Variants in EDIL3 observed in about 807,000 individuals in gnomAD.
EDIL3 encodes EGF-like repeat and discoidin I-like domain-containing protein 3.
In EDIL3, 37 loss-of-function variants were observed where a neutral mutation model predicts 67.4. The ratio of observed to expected loss-of-function variants is 0.55; its 90% CI spans 0.42 to 0.72. The LOEUF is 0.72. Ranked by LOEUF, EDIL3 falls within the 30% of genes least tolerant of loss-of-function variation. EDIL3 has a pLI of 0.00. For missense variants in EDIL3, 527 were observed against 586.3 expected, an observed-to-expected ratio of 0.90 and a Z score of 1.04; for synonymous variants, 195 against 196.3, an observed-to-expected ratio of 0.99 and a Z score of 0.05.
At chr5:84,215,250 T>C (rs901071976) in intron 3 of EDIL3, among the ~76,000 whole-genome samples, 2 of 152,016 alleles carry the variant, frequency 1.3e-5, no homozygotes, top group South Asian at 2.1e-4. Flanking sequence ...ATAAGTAAGA[T>C]GAGCAGATTT....
At chr5:84,042,605 C>G (rs1315370182) in intron 9 of EDIL3, among the ~76,000 whole-genome samples, 1 of 151,952 alleles carries the variant, frequency 6.6e-6, no homozygotes, top group Non-Finnish European at 1.5e-5. Context: ...TTAATTGAAC[C>G]TATTCTACTG....
intron 4 of EDIL3, among the ~76,000 whole-genome samples, chr5:84,156,045 G>C (rs180934031): frequency 1.3e-5 from 2 of 152,268 alleles, no homozygotes; most frequent in East Asian, 1.9e-4. Flanking sequence ...ATCCTCTAGA[G>C]GGGGAGCATA....
At chr5:84,257,876 T>C (rs572494163) in intron 1 of EDIL3, among the ~76,000 whole-genome samples, 3 of 152,212 alleles carry the variant, frequency 2.0e-5, no homozygotes, top group African/African-American at 7.2e-5. Flanking sequence ...TCCTTAGGCA[T>C]ACCAACAAAT....
intron 2 of EDIL3, among the ~76,000 whole-genome samples, chr5:84,239,613 TG>T (rs1428373153): frequency 6.6e-6 from 1 of 152,200 alleles, no homozygotes; most frequent in African/African-American, 2.4e-5. Context: ...TACTGGGAAC[TG>T]GTAATCTTAT....
intron 2 of EDIL3, among the ~76,000 whole-genome samples, chr5:84,239,575 G>T (rs1580392826): frequency 6.6e-6 from 1 of 152,228 alleles, no homozygotes; most frequent in African/African-American, 2.4e-5. Flanking sequence ...GGAACCTTCA[G>T]CTACATCTTA....
rs892446568 is a variant in EDIL3 at position 84,331,400 on chromosome 5, C to A, written c.67+52908G>T. Among the ~76,000 whole-genome samples, 9 of 152,230 alleles carry A rather than the reference C, an allele frequency of 5.9e-5. 1 individual carries two copies. Among genetic ancestry groups the A allele is most frequent in the Admixed American group, 5.9e-4 (9 of 15,290 alleles). On this transcript the variant is annotated intron_variant, in intron 1 of 10. Transcript: ENST00000296591. ...AATCCCCATATGTTGTGGGAGGGAC[C>A]TGGTGGGAGGTAATTGAATCATGGG...
intron 10 of EDIL3, 39 bp from the exon 11 acceptor site, chr5:83,943,607 T>A (rs1241384861): frequency 1.9e-6 from 3 of 1,595,498 alleles, no homozygotes; most frequent in Non-Finnish European, 1.7e-6. Context: ...TCACACAGCC[T>A]TCTTTCTTTG....
intron 5 of EDIL3, among the ~76,000 whole-genome samples, chr5:84,119,686 C>A (rs1056602003): frequency 2.0e-5 from 3 of 151,980 alleles, no homozygotes; most frequent in African/African-American, 4.8e-5. Context: ...CTGAAAAGCA[C>A]TTTTATAATC....
chr5:84,262,985 G>T (rs1745265941), intron 1 of EDIL3, among the ~76,000 whole-genome samples: 1 of 151,766 alleles, frequency 6.6e-6, no homozygotes, highest in African/African-American at 2.4e-5. Flanking sequence ...AAGCATTTTT[G>T]ACTATATTAT....
At chr5:84,307,725 T>C (rs1746301075) in intron 1 of EDIL3, among the ~76,000 whole-genome samples, 1 of 151,918 alleles carries the variant, frequency 6.6e-6, no homozygotes. Context: ...CACAATTAGC[T>C]GCAGCCTGTA....
At chr5:84,341,208 C>T (rs1213027702) in intron 1 of EDIL3, among the ~76,000 whole-genome samples, 1 of 151,976 alleles carries the variant, frequency 6.6e-6, no homozygotes, top group Non-Finnish European at 1.5e-5. Flanking sequence ...GAGTGATATA[C>T]ACTGACCTTT....
intron 9 of EDIL3, among the ~76,000 whole-genome samples, chr5:84,042,037 T>C (rs901018157): frequency 6.6e-6 from 1 of 152,158 alleles, no homozygotes; most frequent in Non-Finnish European, 1.5e-5. Flanking sequence ...TTATGTTGCA[T>C]ATAGAATAGC....
At chr5:83,959,238 T>C (rs963053267) in intron 10 of EDIL3, among the ~76,000 whole-genome samples, 6 of 141,244 alleles carry the variant, frequency 4.2e-5, no homozygotes, top group African/African-American at 1.7e-4. Flanking sequence ...TATATATACG[T>C]ATATATATAT....
rs566462749 is a variant in EDIL3, at chr5:84,207,430, A to G, written c.226+22425T>C. Among the ~76,000 whole-genome samples, 6 of 152,358 alleles carry G rather than the reference A, an allele frequency of 3.9e-5. No homozygotes were observed. In the South Asian group the frequency reaches 1.2e-3, roughly 32 times the overall value. On this transcript the variant is annotated intron_variant, in intron 3 of 10. Coordinates refer to ENST00000296591, the MANE Select transcript of EDIL3 (RefSeq NM_005711.5). ...ACAAATGGAAGAAAATTCCATGCTC[A>G]TGGGTAGGAAGAATCAATATCGTGA... is the stretch of plus-strand genomic sequence containing the variant.
At chr5:84,141,081 C>T (rs1048936453) in intron 4 of EDIL3, among the ~76,000 whole-genome samples, 11 of 151,924 alleles carry the variant, frequency 7.2e-5, no homozygotes, top group African/African-American at 2.4e-4. Flanking sequence ...CACCTATCTT[C>T]GTCACAGATC....
intron 4 of EDIL3, among the ~76,000 whole-genome samples, chr5:84,154,677 C>A (rs1021416829): frequency 4.1e-5 from 6 of 146,904 alleles, no homozygotes; most frequent in Admixed American, 1.4e-4. Context: ...CCTCCTGGAG[C>A]CCTCTTCTGC....
At chr5:84,233,745 G>T (rs866752162) in intron 2 of EDIL3, among the ~76,000 whole-genome samples, 3 of 152,034 alleles carry the variant, frequency 2.0e-5, no homozygotes, top group South Asian at 2.1e-4. Flanking sequence ...GAAAAAAAAG[G>T]CCTCCTCACT....
At chr5:84,127,254 C>T (rs1490510458) in intron 5 of EDIL3, among the ~76,000 whole-genome samples, 1 of 152,086 alleles carries the variant, frequency 6.6e-6, no homozygotes, top group Non-Finnish European at 1.5e-5. Context: ...ATTGGATTTA[C>T]TGACTTTGCT....
chr5:84,072,626 T>C (rs1208834436), intron 6 of EDIL3, among the ~76,000 whole-genome samples: 2 of 152,180 alleles, frequency 1.3e-5, no homozygotes, highest in Non-Finnish European at 2.9e-5. Flanking sequence ...AAAAAATGTA[T>C]CCTACAAGTA....
Sources: allele counts gnomAD v4.1 joint callset (sites outside exome capture counted in the v4.1 genomes callset), GRCh38; gene constraint gnomAD v4.1.1; transcripts MANE v1.5; gene names NCBI Gene and HGNC (gene_info 2026-07-23, HGNC 2026-07-21).